TTYH3: variants seen among roughly 807,000 people sequenced by gnomAD.
TTYH3 encodes the protein protein tweety homolog 3.
In TTYH3, 23 loss-of-function variants were observed where a neutral mutation model predicts 68.2. The observed-to-expected ratio is 0.34, with a 90% CI of 0.24 to 0.48. TTYH3 has a LOEUF of 0.48. TTYH3 is among the 20% of genes least tolerant of loss of function. The pLI is 0.99. For missense variants in TTYH3, 768 were observed against 727.7 expected, an observed-to-expected ratio of 1.06 and a Z score of -0.64; for synonymous variants, 360 against 332.8, an observed-to-expected ratio of 1.08 and a Z score of -0.89.
chr7:2,643,044 C>T (rs1785892031), intron 1 of TTYH3, among the ~76,000 whole-genome samples: 1 of 148,562 alleles, frequency 6.7e-6, no homozygotes, highest in African/African-American at 2.5e-5. Flanking sequence ...GCTTGGGCAT[C>T]ACCAGTGAAA....
intron 8 of TTYH3, among the ~76,000 whole-genome samples, chr7:2,652,606 G>A (rs932274221): frequency 4.6e-5 from 7 of 152,302 alleles, no homozygotes; most frequent in African/African-American, 1.7e-4. Context: ...CGCACCAGCT[G>A]GTCAAGCCCT....
Position 2,645,538 on chromosome 7 carries a change from T to C in TTYH3, c.124-1315T>C, listed in dbSNP as rs942091411. ...TGTCTGTTCTGTGGTCTGTCTTTTG[T>C]GTTCAGAGACCTGGGGAGAGCCACA... On this transcript the variant is annotated intron_variant, in intron 1 of 13. Transcript: ENST00000258796. The surrounding 1 kb of genome is among the most constrained non-coding windows in gnomAD (Gnocchi z 4.8). 2.7e-5 allele frequency: 8 copies of C among 294,862 alleles called. No homozygotes were observed. In the East Asian group the frequency reaches 6.0e-4, roughly 22 times the overall value. The allele number at this position is 294,862 out of a possible 1,614,324, so 18.3% of individuals were successfully genotyped here.
At chr7:2,640,010 C>T (rs1457453363) in intron 1 of TTYH3, among the ~76,000 whole-genome samples, 1 of 150,926 alleles carries the variant, frequency 6.6e-6, no homozygotes, top group Non-Finnish European at 1.5e-5. Flanking sequence ...CCTGCCAGCT[C>T]ACCCGCCCCC....
At chr7:2,643,084 G>A (rs187342563) in intron 1 of TTYH3, among the ~76,000 whole-genome samples, 7 of 151,618 alleles carry the variant, frequency 4.6e-5, no homozygotes, top group African/African-American at 1.5e-4. Flanking sequence ...GGCTGGGCAC[G>A]GTGGTTCACG....
Position 2,650,016 on chromosome 7 carries a change from A to AT in TTYH3, c.871+28_871+29insT, listed in dbSNP as rs1391586374. On this transcript the variant is annotated intron_variant, in intron 7 of 13. Transcript: ENST00000258796. ...GAGTCTGTGTCCACGGCCGTGTCCCAGCGGGTTCCCCAGGGTTGGGCTGAG... is the reference window on the plus strand; with the variant it reads ...GAGTCTGTGTCCACGGCCGTGTCCCATGCGGGTTCCCCAGGGTTGGGCTGAG... 6 of 1,613,042 alleles carry AT rather than the reference A, an allele frequency of 3.7e-6. No homozygotes were observed. In the Admixed American group the frequency reaches 1.0e-4, roughly 27 times the overall value.
intron 1 of TTYH3, among the ~76,000 whole-genome samples, chr7:2,642,490 C>T (rs1274690521): frequency 2.1e-5 from 3 of 141,346 alleles, no homozygotes; most frequent in Admixed American, 7.6e-5. Context: ...TGCAGTGAGC[C>T]GAGATCATGC....
At chr7:2,653,472 G>A (rs76010982) in intron 9 of TTYH3, among the ~76,000 whole-genome samples, 1 of 152,226 alleles carries the variant, frequency 6.6e-6, no homozygotes, top group Admixed American at 6.5e-5. Flanking sequence ...CATTCTCTGG[G>A]TGAGTGCCCT....
In TTYH3 at chr7:2,647,513, C is replaced by T. The variant is rs765125144; in HGVS notation, c.501C>T (p.Ala167=). ...QLAGRPEPLR[A]VQRLQGLLET... ...CCGGGCGGCCCGAGCCCCTGCGAGC[C>T]GTACAGAGGCTGCAGGGCCTGCTGG... is the stretch of plus-strand genomic sequence containing the variant. The change falls in exon 4 of 14, where the codon GCC becomes GCT. Residue 167 remains alanine, a synonymous_variant. Transcript: ENST00000258796. The T allele has an allele frequency of 5.2e-6, 8 of 1,544,982 alleles. No individual in the cohort carries two copies. The African/African-American group carries it at 6.8e-5, about 13-fold the overall frequency.
At chr7:2,634,689 G>C (rs981977959) in intron 1 of TTYH3, among the ~76,000 whole-genome samples, 4 of 152,144 alleles carry the variant, frequency 2.6e-5, no homozygotes, top group Non-Finnish European at 5.9e-5. Context: ...AACCCCCGGA[G>C]GGACCAGGGC....
chr7:2,652,430 T>G (rs1185566490), intron 8 of TTYH3, among the ~76,000 whole-genome samples, 188 bp downstream of exon 8: 2 of 152,192 alleles, frequency 1.3e-5, no homozygotes, highest in African/African-American at 4.8e-5. Flanking sequence ...GGTGACCTGG[T>G]GACCTGGCTG....
At chr7:2,640,652 G>C (rs1785815536) in intron 1 of TTYH3, among the ~76,000 whole-genome samples, 2 of 152,236 alleles carry the variant, frequency 1.3e-5, no homozygotes, top group African/African-American at 2.4e-5. Context: ...CATTGCGTTG[G>C]GGGGTGCCTG....
chr7:2,633,214 G>A (rs761416272), intron 1 of TTYH3, among the ~76,000 whole-genome samples: 21 of 152,182 alleles, frequency 1.4e-4, no homozygotes, highest in Non-Finnish European at 2.9e-4. Context: ...CTGGTCACCC[G>A]GAGTTTCTCT....
chr7:2,652,540 C>G (rs1399174734), intron 8 of TTYH3, among the ~76,000 whole-genome samples: 1 of 152,150 alleles, frequency 6.6e-6, no homozygotes, highest in African/African-American at 2.4e-5. Context: ...CCCAGGGATG[C>G]CTCTGTAGGG....
At chr7:2,636,495 C>G (rs1046138657) in intron 1 of TTYH3, among the ~76,000 whole-genome samples, 1 of 152,142 alleles carries the variant, frequency 6.6e-6, no homozygotes, top group Non-Finnish European at 1.5e-5. Flanking sequence ...GTCCAGCGTC[C>G]CACGGTGCCA....
Position 2,662,184 on chromosome 7 carries a change from A to ATAC in TTYH3, c.*445_*446insTAC. The ATAC allele has an allele frequency of 3.5e-6, 1 of 289,452 alleles. No homozygotes were observed. The highest frequency in any genetic ancestry group is 6.6e-6 in the Non-Finnish European group (1 of 150,900). 17.9% of individuals were successfully genotyped at this position (289,452 alleles called of 1,614,324 possible). A position where few individuals can be genotyped will look rare whatever the true frequency, so the allele number is the denominator to read the frequency against. ...CTGTGCTGGCGCCTGCTGGCCACTG[A>ATAC]GGGACAGGGACACGTGCCACCTGCT... On this transcript the variant is annotated 3_prime_UTR_variant, in exon 14 of 14. Transcript: ENST00000258796.
chr7:2,664,301 C>T lies in TTYH3; in HGVS notation c.*2562C>T, dbSNP rs1197600312. ...TTCGAGTTCCAAGCAACATTTGCTC[C>T]TGCCCTGGGGCCAGCTCTGCCCCAG... is the stretch of plus-strand genomic sequence containing the variant. On this transcript the variant is annotated 3_prime_UTR_variant, in exon 14 of 14. Transcript: ENST00000258796. 2.0e-5 allele frequency: 3 copies of T among 152,674 alleles called. No individual in the cohort carries two copies. The highest frequency in any genetic ancestry group is 7.2e-5 in the African/African-American group (3 of 41,438). The allele number at this position is 152,674 out of a possible 1,614,324, so 9.5% of individuals were successfully genotyped here. A position where few individuals can be genotyped will look rare whatever the true frequency, so the allele number is the denominator to read the frequency against.
intron 9 of TTYH3, among the ~76,000 whole-genome samples, chr7:2,653,854 C>T (rs1393380232): frequency 1.3e-5 from 2 of 152,200 alleles, no homozygotes; most frequent in Admixed American, 1.3e-4. Flanking sequence ...CAGAGCGAGA[C>T]TCCATCTCAA....
intron 13 of TTYH3, 115 bp downstream of exon 13, chr7:2,659,130 C>G: frequency 2.0e-6 from 2 of 998,348 alleles, no homozygotes; most frequent in East Asian, 2.7e-5. Flanking sequence ...CTGGGGGCAG[C>G]TGTGAGCTGC....
intron 1 of TTYH3, among the ~76,000 whole-genome samples, chr7:2,639,594 C>T (rs1446043043): frequency 6.6e-6 from 1 of 152,242 alleles, no homozygotes. Context: ...GCTGATGCTC[C>T]CAATTAGCCC....
Sources: gnomAD v4.1 joint callset for allele counts (sites outside exome capture counted in the v4.1 genomes callset) on GRCh38, gnomAD v4.1.1 for gene constraint, Gnocchi (gnomAD v3.1) non-coding constraint, MANE v1.5 for transcripts, NCBI Gene and HGNC (gene_info 2026-07-23, HGNC 2026-07-21) for gene names.